Variants in MEP1A observed in about 807,000 individuals in gnomAD.
MEP1A encodes the protein N-benzoyl-L-tyrosyl-P-amino-benzoic acid hydrolase subunit alpha.
MEP1A carries 68 observed loss-of-function variants against 84.5 expected under a neutral mutation model. The observed-to-expected ratio is 0.80, with a 90% CI of 0.66 to 0.98. MEP1A has a LOEUF of 0.98. Ranked by LOEUF, MEP1A falls within the 50% of genes least tolerant of loss-of-function variation. The pLI, the probability that MEP1A is intolerant of heterozygous loss-of-function variation, is 0.00. For synonymous variants in MEP1A, 337 were observed against 336.8 expected, an observed-to-expected ratio of 1.00 and a Z score of -0.01; for missense variants, 887 against 919.9, an observed-to-expected ratio of 0.96 and a Z score of 0.46.
At chr6:46,800,140 T>C (rs572368508) in intron 5 of MEP1A, among the ~76,000 whole-genome samples, 1 of 152,346 alleles carries the variant, frequency 6.6e-6, no homozygotes, top group East Asian at 1.9e-4. Context: ...TCACGGAACA[T>C]CAATACTTAA....
intron 13 of MEP1A, 53 bp downstream of exon 13, chr6:46,835,602 A>C: frequency 2.5e-6 from 4 of 1,581,978 alleles, no homozygotes; most frequent in South Asian, 2.3e-5. Flanking sequence ...GGCCGTGTGC[A>C]TGCTTGCTCC....
At chr6:46,794,772 C>T (rs1310784152) in intron 3 of MEP1A, among the ~76,000 whole-genome samples, 1 of 152,190 alleles carries the variant, frequency 6.6e-6, no homozygotes, top group East Asian at 1.9e-4. Context: ...TAGAGTTAGC[C>T]ATTGTGTAAA....
intron 5 of MEP1A, among the ~76,000 whole-genome samples, chr6:46,802,523 A>G (rs771169973): frequency 6.6e-6 from 1 of 151,768 alleles, no homozygotes; most frequent in Non-Finnish European, 1.5e-5. Flanking sequence ...TTTAATATAG[A>G]CAGTGTTACT....
At chr6:46,823,339 C>T (rs1363589432) in intron 7 of MEP1A, among the ~76,000 whole-genome samples, 1 of 152,110 alleles carries the variant, frequency 6.6e-6, no homozygotes, top group African/African-American at 2.4e-5. Flanking sequence ...AGGCCAGGCA[C>T]GGTGGCTCAT....
Position 46,833,112 on chromosome 6 carries a change from C to T in MEP1A, c.1183C>T (p.Leu395Phe), listed in dbSNP as rs192846554. 1 of 1,539,120 alleles carries T rather than the reference C, an allele frequency of 6.5e-7. No homozygotes were observed. The highest frequency in any genetic ancestry group is 1.4e-5 in the African/African-American group (1 of 72,326). ...DHNWKIAHVV[L>F]KEEQKFRYLF... is the part of the protein sequence containing the mutation. The stretch of plus-strand genomic sequence containing the variant: ...CAATTGGAAAATTGCCCATGTGGTG[C>T]TCAAAGAGGAACAGAAGTTTCGCTA... The change falls in exon 11 of 14, where the codon CTC becomes TTC. Residue 395 changes from leucine (L) to phenylalanine (F), a missense_variant. Physicochemically the swap from Leu to Phe is conservative, Grantham distance 22 (BLOSUM62 0). Transcript: ENST00000230588.
intron 6 of MEP1A, among the ~76,000 whole-genome samples, chr6:46,812,911 CA>C (rs1259698775): frequency 2.0e-5 from 3 of 152,006 alleles, no homozygotes; most frequent in Non-Finnish European, 2.9e-5. Context: ...GAGAATGTTC[CA>C]TGTGCTGGTA....
chr6:46,806,203 T>C (rs1380976073), intron 5 of MEP1A, among the ~76,000 whole-genome samples: 1 of 152,066 alleles, frequency 6.6e-6, no homozygotes, highest in Non-Finnish European at 1.5e-5. Flanking sequence ...TGTTTCTCTT[T>C]CTAGTTATTG....
intron 3 of MEP1A, 98 bp from the exon 4 acceptor site, chr6:46,798,494 TAAAGATTAATATTC>T (rs1191009713): frequency 1.1e-6 from 1 of 927,966 alleles, no homozygotes; most frequent in Non-Finnish European, 1.7e-6. Context: ...TTTTGCCACA[TAAAGATTAATATTC>T]AAAGATTTAT....
At chr6:46,807,429 T>C (rs1767351134) in intron 5 of MEP1A, among the ~76,000 whole-genome samples, 1 of 150,446 alleles carries the variant, frequency 6.6e-6, no homozygotes, top group South Asian at 2.1e-4. Context: ...ATCTCAGCAC[T>C]TTGGGAAGCC....
intron 5 of MEP1A, among the ~76,000 whole-genome samples, chr6:46,799,809 G>C (rs1471091299): frequency 1.3e-5 from 2 of 152,106 alleles, no homozygotes; most frequent in African/African-American, 4.8e-5. Flanking sequence ...GCCACATGTA[G>C]GCACTGGCTG....
intron 3 of MEP1A, among the ~76,000 whole-genome samples, chr6:46,798,272 T>G (rs1042280848): frequency 3.3e-5 from 5 of 152,146 alleles, no homozygotes; most frequent in African/African-American, 1.2e-4. Context: ...CCAGCCATTT[T>G]CTAAATAGTT....
At chr6:46,807,333 T>C (rs1767348704) in intron 5 of MEP1A, among the ~76,000 whole-genome samples, 1 of 151,544 alleles carries the variant, frequency 6.6e-6, no homozygotes, top group East Asian at 1.9e-4. Flanking sequence ...AGACAAAAAG[T>C]ATATCCCTTT....
chr6:46,806,090 T>G (rs112720332), intron 5 of MEP1A, among the ~76,000 whole-genome samples: 6 of 152,200 alleles, frequency 3.9e-5, no homozygotes, highest in African/African-American at 1.2e-4. Flanking sequence ...CTGCTGAGAT[T>G]ATTTGTATGT....
intron 6 of MEP1A, among the ~76,000 whole-genome samples, chr6:46,812,933 A>G (rs1246939390): frequency 2.0e-5 from 3 of 152,026 alleles, no homozygotes; most frequent in Non-Finnish European, 2.9e-5. Flanking sequence ...ACTATAATGT[A>G]TATTCTGCAA....
intron 3 of MEP1A, among the ~76,000 whole-genome samples, chr6:46,797,930 C>CCTT (rs1283866426): frequency 8.8e-5 from 2 of 22,844 alleles, no homozygotes; most frequent in Non-Finnish European, 1.0e-4. Context: ...TTCCTTCCTT[C>CCTT]TTTCCTTCCT....
intron 5 of MEP1A, among the ~76,000 whole-genome samples, chr6:46,805,526 T>G (rs1767293136): frequency 2.6e-5 from 4 of 151,958 alleles, no homozygotes; most frequent in Admixed American, 1.3e-4. Context: ...CTAAGTGTTC[T>G]TTATATATTT....
chr6:46,807,541 A>G (rs913426820), intron 5 of MEP1A, among the ~76,000 whole-genome samples: 2 of 49,554 alleles, frequency 4.0e-5, no homozygotes, highest in African/African-American at 2.3e-4. Flanking sequence ...AGAAAGAAAG[A>G]AAGAAAGAAA....
At chr6:46,829,311 G>A (rs1223390071) in intron 9 of MEP1A, 45 bp from the exon 10 acceptor site, 2 of 1,531,522 alleles carry the variant, frequency 1.3e-6, no homozygotes. Flanking sequence ...AGAACCCTGG[G>A]GTGTGGGAAG....
At chr6:46,821,405 C>T (rs1468918210) in intron 7 of MEP1A, among the ~76,000 whole-genome samples, 2 of 152,158 alleles carry the variant, frequency 1.3e-5, no homozygotes, top group African/African-American at 4.8e-5. Context: ...AGCATATTCA[C>T]CCAGAGATGA....
Sources: gnomAD v4.1 joint callset for allele counts (sites outside exome capture counted in the v4.1 genomes callset) on GRCh38, gnomAD v4.1.1 for gene constraint, MANE v1.5 for transcripts, NCBI Gene and HGNC (gene_info 2026-07-23, HGNC 2026-07-21) for gene names.